The following ZNF254 variants were observed in gnomAD, a reference collection of about 807,000 sequenced individuals.
The protein encoded by ZNF254 is CTD-2017D11.1.
A neutral mutation model predicts 12.4 loss-of-function variants in ZNF254; 10 were observed. The ratio of observed to expected loss-of-function variants is 0.80; its 90% CI spans 0.50 to 1.36. The LOEUF (loss-of-function observed/expected upper bound fraction) is 1.36. Among genes scored for constraint, ZNF254 ranks in the 40% most tolerant of loss-of-function variants. The pLI is 0.00. For missense variants in ZNF254, 996 were observed against 763.9 expected (o/e 1.30, Z -3.58); for synonymous variants, 305 against 253.4 (o/e 1.20, Z -1.93).
At chr19:24,103,670 CTGTT>C (rs1430229218) in intron 1 of ZNF254, 1 of 151,692 alleles carries the variant, frequency 6.6e-6, no homozygotes, top group African/African-American at 2.4e-5. Context: ...GGAATCTGTT[CTGTT>C]TGAGTTTGGT....
chr19:24,052,091 T>C (rs1050202549), intron 2 of ZNF254, among the ~76,000 whole-genome samples: 14 of 152,206 alleles, frequency 9.2e-5, no homozygotes, highest in Non-Finnish European at 1.5e-5. Context: ...GTGTGACATA[T>C]TGCTGAGCCC....
chr19:24,065,734 T>C (rs1189665872), intron 2 of ZNF254: 1 of 152,168 alleles, frequency 6.6e-6, no homozygotes. Context: ...AAATTTTGGG[T>C]ATTGTCAATT....
At chr19:24,121,390 A>T (rs1974472341) in intron 3 of ZNF254, among the ~76,000 whole-genome samples, 1 of 152,168 alleles carries the variant, frequency 6.6e-6, no homozygotes, top group South Asian at 2.1e-4. Flanking sequence ...ATGCCACCAT[A>T]CATCTGATAT....
chr19:24,091,881 AT>A (rs111787297), intron 1 of ZNF254: 183,748 of 769,256 alleles, frequency 0.24, 2,344 homozygotes, highest in African/African-American at 0.34. Flanking sequence ...TATGTGATTA[AT>A]TTTTTTTTTT....
At chr19:24,057,795 C>G (rs546800205) in intron 2 of ZNF254, among the ~76,000 whole-genome samples, 5 of 152,206 alleles carry the variant, frequency 3.3e-5, no homozygotes, top group African/African-American at 7.2e-5. Context: ...GGGATTGTGT[C>G]TCTCATTCAA....
intron 3 of ZNF254, among the ~76,000 whole-genome samples, chr19:24,119,615 A>T (rs1178846290): frequency 6.6e-6 from 1 of 152,004 alleles, no homozygotes; most frequent in Non-Finnish European, 1.5e-5. Flanking sequence ...GCAGCCTCTC[A>T]GGTAGCTGGG....
intron 1 of ZNF254, among the ~76,000 whole-genome samples, chr19:24,037,233 CT>C (rs1969999507): frequency 6.6e-6 from 1 of 152,204 alleles, no homozygotes; most frequent in South Asian, 2.1e-4. Context: ...CAAACCCTTT[CT>C]GATGTGCACA....
At chr19:24,079,466 A>T (rs1306470965) in intron 2 of ZNF254, 1 of 152,292 alleles carries the variant, frequency 6.6e-6, no homozygotes, top group Non-Finnish European at 1.5e-5. Flanking sequence ...TCCAAGGGGA[A>T]ATCTTTGTCC....
chr19:24,087,180 T>G, upstream of ZNF254: 1 of 1,235,126 alleles, frequency 8.1e-7, no homozygotes, highest in South Asian at 1.3e-5. Context: ...TTCCGGGATA[T>G]GGCGGGGCCT....
chr19:24,087,084 T>C (rs914845847), upstream of ZNF254: 7 of 518,574 alleles, frequency 1.3e-5, no homozygotes, highest in African/African-American at 1.4e-4. Context: ...AGGGTCTGAG[T>C]AGGCGGGGCC....
At chr19:24,053,344 A>C (rs889056618) in intron 2 of ZNF254, among the ~76,000 whole-genome samples, 1 of 152,174 alleles carries the variant, frequency 6.6e-6, no homozygotes, top group African/African-American at 2.4e-5. Flanking sequence ...AGAACTAAGA[A>C]ATGTGTGAAA....
rs1378251169 is a variant in ZNF254, at chr19:24,129,163, C to T, written c.*1183C>T. 1.3e-5 allele frequency: 2 copies of T among 151,792 alleles called. No individual in the cohort carries two copies. Among genetic ancestry groups the T allele is most frequent in the Admixed American group, 6.6e-5 (1 of 15,218 alleles). The allele number at this position is 151,792 out of a possible 1,614,324, so 9.4% of individuals were successfully genotyped here. On this transcript the variant is annotated 3_prime_UTR_variant, in exon 4 of 4. Coordinates refer to ENST00000357002, the MANE Select transcript of ZNF254 (RefSeq NM_203282.4). ...TTGAGTGATGCATGAGGTAGGTGTTCAGAATAATATTCCTCTGCATTATTA... is the reference window on the plus strand; with the variant it reads ...TTGAGTGATGCATGAGGTAGGTGTTTAGAATAATATTCCTCTGCATTATTA...
chr19:24,127,258 A>G lies in ZNF254; in HGVS notation c.1258A>G (p.Asn420Asp). ...CGGCAAAGGTTTTAATCGATCTTCA[A>G]ATCTTACTACACATAAGATAATTCA... ...ECGKGFNRSS[N>D]LTTHKIIHTG... The change falls in exon 4 of 4, where the codon AAT becomes GAT. Residue 420 changes from asparagine to aspartate, a missense_variant. Physicochemically the swap from Asn to Asp is conservative, Grantham distance 23. Coordinates refer to ENST00000357002, the MANE Select transcript of ZNF254 (RefSeq NM_203282.4). The G allele has an allele frequency of 2.5e-6, 4 of 1,613,282 alleles. No homozygotes were observed. Among genetic ancestry groups the G allele is most frequent in the Non-Finnish European group, 3.4e-6 (4 of 1,179,696 alleles).
At chr19:24,116,357 T>A (rs1049187874) in intron 3 of ZNF254, among the ~76,000 whole-genome samples, 1 of 152,152 alleles carries the variant, frequency 6.6e-6, no homozygotes, top group Non-Finnish European at 1.5e-5. Flanking sequence ...TTTGGTCTTT[T>A]CACATAGTCC....
In ZNF254 at chr19:24,058,473, C is replaced by T. The variant is rs540571561; in HGVS notation, c.-94+12194C>T. Among the ~76,000 whole-genome samples the T allele has an allele frequency of 3.3e-5, 5 of 150,178 alleles. No homozygotes were observed. In the South Asian group the frequency reaches 1.0e-3, roughly 32 times the overall value. On this transcript the variant is annotated intron_variant, in intron 2 of 4. Transcript: ENST00000613065. Reference sequence around the variant, plus strand: ...TTACCCAGGCTGGAGTGTAATGGTGCAATCTTGGCTCAAGGCAACCTCCGC... The same window carrying T: ...TTACCCAGGCTGGAGTGTAATGGTGTAATCTTGGCTCAAGGCAACCTCCGC...
rs1370365405 is a variant in ZNF254, at chr19:24,049,208, A to AT, written c.-94+2930dup. Among the ~76,000 whole-genome samples the AT allele has an allele frequency of 4.6e-4, 22 of 47,528 alleles. 1 individual carries two copies. The highest frequency in any genetic ancestry group is 2.1e-3 in the African/African-American group (20 of 9,490). The allele number at this position is 47,528 out of a possible 152,430, so 31.2% of individuals were successfully genotyped here. A position where few individuals can be genotyped will look rare whatever the true frequency, so the allele number is the denominator to read the frequency against. On this transcript the variant is annotated intron_variant, in intron 2 of 4. Transcript: ENST00000613065. ...TTTATATATATATATATATATATAT[A>AT]TATATATTTTTTTTTTTTTTTTAAT... is the stretch of plus-strand genomic sequence containing the variant.
At chr19:24,071,373 T>G (rs1475164565) in intron 2 of ZNF254, among the ~76,000 whole-genome samples, 2 of 152,180 alleles carry the variant, frequency 1.3e-5, no homozygotes, top group Admixed American at 6.5e-5. Context: ...CAAGATGATA[T>G]GACTATTTTT....
intron 2 of ZNF254, among the ~76,000 whole-genome samples, chr19:24,053,732 C>G (rs544508442): frequency 6.6e-6 from 1 of 152,260 alleles, no homozygotes; most frequent in Admixed American, 6.5e-5. Flanking sequence ...ATGTGAATCT[C>G]CTGCATGGGC....
At chr19:24,119,966 TATCTTC>T (rs1455748444) in intron 3 of ZNF254, among the ~76,000 whole-genome samples, 1 of 152,090 alleles carries the variant, frequency 6.6e-6, no homozygotes, top group East Asian at 1.9e-4. Context: ...CTATAAATAT[TATCTTC>T]ATAATCCTCT....
Sources: gnomAD v4.1 joint callset for allele counts (sites outside exome capture counted in the v4.1 genomes callset) on GRCh38, gnomAD v4.1.1 for gene constraint, MANE v1.5 for transcripts, NCBI Gene and HGNC (gene_info 2026-07-23, HGNC 2026-07-21) for gene names.